Variants in TSPEAR observed in about 807,000 individuals in gnomAD.
The protein encoded by TSPEAR is thrombospondin type laminin G domain and EAR repeats.
TSPEAR carries 69 observed loss-of-function variants against 71.6 expected under a neutral mutation model. The observed-to-expected ratio is 0.96, with a 90% CI of 0.79 to 1.18. The LOEUF (loss-of-function observed/expected upper bound fraction) is 1.18. Among genes scored for constraint, TSPEAR ranks in the 50% most tolerant of loss-of-function variants. The probability of loss-of-function intolerance (pLI) is 0.00; values close to 1 mark genes in which losing one functional copy is unlikely to be tolerated. For missense variants in TSPEAR, 971 were observed against 894.9 expected, an observed-to-expected ratio of 1.09 and a Z score of -1.09; for synonymous variants, 402 against 387.2, an observed-to-expected ratio of 1.04 and a Z score of -0.45.
At chr21:44,592,672 A>G (rs587597756) in intron 1 of TSPEAR, among the ~76,000 whole-genome samples, 1 of 152,202 alleles carries the variant, frequency 6.6e-6, no homozygotes, top group Admixed American at 6.5e-5. Context: ...TAAATCTCCC[A>G]TCACATCTGG....
intron 2 of TSPEAR, among the ~76,000 whole-genome samples, chr21:44,548,428 C>A (rs1307330192): frequency 6.6e-6 from 1 of 152,150 alleles, no homozygotes; most frequent in Non-Finnish European, 1.5e-5. Context: ...AAATTGAACT[C>A]CACCCCCTTT....
In TSPEAR at chr21:44,675,602, A is replaced by G. The variant is rs587614621; in HGVS notation, c.82+35831T>C. ...AAATCAACAGTAGTAGAGATCACAA[A>G]CATTATTTTGATTGGCCTCACAAGT... is the stretch of plus-strand genomic sequence containing the variant. On this transcript the variant is annotated intron_variant, in intron 1 of 11. Transcript: ENST00000323084. Among the ~76,000 whole-genome samples, 8 of 152,282 alleles carry G rather than the reference A, an allele frequency of 5.3e-5. No individual in the cohort carries two copies. In the South Asian group the frequency reaches 1.7e-3, roughly 32 times the overall value.
intron 1 of TSPEAR, among the ~76,000 whole-genome samples, chr21:44,590,597 T>A (rs1200825490): frequency 6.6e-6 from 1 of 152,138 alleles, no homozygotes; most frequent in African/African-American, 2.4e-5. Flanking sequence ...GTGGTCCCCA[T>A]GTCTTACTGT....
Position 44,691,492 on chromosome 21 carries a change from C to T in TSPEAR, c.82+19941G>A, listed in dbSNP as rs1473437502. Reference sequence around the variant, plus strand: ...TTCCAATTGCAAAAATGCATGAGGACATTATGTATTGATAAAAGATTCAAC... The same window carrying T: ...TTCCAATTGCAAAAATGCATGAGGATATTATGTATTGATAAAAGATTCAAC... On this transcript the variant is annotated intron_variant, in intron 1 of 11. Transcript: ENST00000323084. 3.9e-5 allele frequency among the ~76,000 whole-genome samples: 6 copies of T among 152,140 alleles called. No individual in the cohort carries two copies. In the East Asian group the frequency reaches 5.8e-4, roughly 15 times the overall value.
At chr21:44,551,845 CGG>C in intron 2 of TSPEAR, among the ~76,000 whole-genome samples, 1 of 152,194 alleles carries the variant, frequency 6.6e-6, no homozygotes, top group South Asian at 2.1e-4. Context: ...GCTCTGGGCC[CGG>C]GGGAGGCCCA....
intron 1 of TSPEAR, among the ~76,000 whole-genome samples, chr21:44,588,779 G>GTA (rs1979533592): frequency 1.8e-5 from 2 of 111,268 alleles, no homozygotes; most frequent in Non-Finnish European, 4.2e-5. Context: ...ATATATGTAT[G>GTA]TGTGTGTGTA....
At chr21:44,672,439 A>G (rs1220517791) in intron 1 of TSPEAR, among the ~76,000 whole-genome samples, 9 of 152,136 alleles carry the variant, frequency 5.9e-5, no homozygotes, top group South Asian at 2.1e-4. Context: ...GCGTGGTGGC[A>G]GGTGCCTGTA....
rs553763748 is a variant in TSPEAR at position 44,687,473 on chromosome 21, C to A, written c.82+23960G>T. Among the ~76,000 whole-genome samples the A allele has an allele frequency of 1.5e-4, 23 of 152,338 alleles. No individual in the cohort carries two copies. In the South Asian group the frequency reaches 4.8e-3, roughly 32 times the overall value. On this transcript the variant is annotated intron_variant, in intron 1 of 11. Coordinates refer to ENST00000323084, the MANE Select transcript of TSPEAR (RefSeq NM_144991.3). This position sits in a 1 kb window ranked among gnomAD's most constrained non-coding sequence, Gnocchi z 4.4. ...AGCACTGAGGGCGGCATTGCTTACG[C>A]ACACGGCAACAGGAACGCATCGCAG... is the stretch of plus-strand genomic sequence containing the variant.
Position 44,711,519 on chromosome 21 carries a change from G to A in TSPEAR, c.-5C>T. ...CAGACTCAGCAGGGCAGACATGAGGGGCTTGGGTGCCAAGCTCCATCCAGG... is the reference window on the plus strand; with the variant it reads ...CAGACTCAGCAGGGCAGACATGAGGAGCTTGGGTGCCAAGCTCCATCCAGG... On this transcript the variant is annotated 5_prime_UTR_variant, in exon 1 of 12. Coordinates refer to ENST00000323084, the MANE Select transcript of TSPEAR (RefSeq NM_144991.3). The surrounding 1 kb of genome is among the most constrained non-coding windows in gnomAD (Gnocchi z 4.5). 1 of 1,610,046 alleles carries A rather than the reference G, an allele frequency of 6.2e-7. No individual in the cohort carries two copies. The highest frequency in any genetic ancestry group is 8.5e-7 in the Non-Finnish European group (1 of 1,178,564).
intron 1 of TSPEAR, among the ~76,000 whole-genome samples, chr21:44,705,939 C>T (rs1555952259): frequency 6.6e-6 from 1 of 152,160 alleles, no homozygotes; most frequent in East Asian, 1.9e-4. Flanking sequence ...GCTTGTGGGG[C>T]ATCACAGATC....
At chr21:44,632,861 A>G (rs1443830989) in intron 1 of TSPEAR, among the ~76,000 whole-genome samples, 1 of 152,196 alleles carries the variant, frequency 6.6e-6, no homozygotes, top group Non-Finnish European at 1.5e-5. Context: ...AAAAGAAGAA[A>G]AGAAATAAAG....
rs587701605 is a variant in TSPEAR at position 44,532,544 on chromosome 21, T to C, written c.542+1141A>G. ...GAGAGAGGCTCTGATAAAAGTGTGT[T>C]TAAGCTAAGTGCATAATAAAAATAT... On this transcript the variant is annotated intron_variant, in intron 3 of 11. Coordinates refer to ENST00000323084, the MANE Select transcript of TSPEAR (RefSeq NM_144991.3). Among the ~76,000 whole-genome samples the C allele has an allele frequency of 7.2e-5, 11 of 152,344 alleles. No individual in the cohort carries two copies. In the South Asian group the frequency reaches 2.1e-3, roughly 29 times the overall value.
chr21:44,507,875 G>C (rs587679978), intron 10 of TSPEAR, among the ~76,000 whole-genome samples: 1 of 151,524 alleles, frequency 6.6e-6, no homozygotes, highest in Non-Finnish European at 1.5e-5. Context: ...GCCAGGCCAC[G>C]CAGGGGCCAC....
At chr21:44,600,780 G>A (rs782114069) in intron 1 of TSPEAR, 6 of 1,589,316 alleles carry the variant, frequency 3.8e-6, no homozygotes, top group South Asian at 1.1e-5. Flanking sequence ...CCCCCTGCCT[G>A]AGCCTGGTCT....
rs782457685 is a variant in TSPEAR, at chr21:44,531,152, T to C, written c.543-19A>G. Reference sequence around the variant, plus strand: ...GGCCATTCTGAAAATATCAAAGGACTGTGTTAGGGCCATAGGAGAGTGGTC... The same window carrying C: ...GGCCATTCTGAAAATATCAAAGGACCGTGTTAGGGCCATAGGAGAGTGGTC... On this transcript the variant is annotated intron_variant, in intron 3 of 11. Transcript: ENST00000323084. 21 of 1,605,896 alleles carry C rather than the reference T, an allele frequency of 1.3e-5. No individual in the cohort carries two copies. The highest frequency in any genetic ancestry group is 1.8e-5 in the Non-Finnish European group (21 of 1,173,520).
chr21:44,584,298 C>T (rs1427534582), intron 1 of TSPEAR, among the ~76,000 whole-genome samples: 4 of 152,168 alleles, frequency 2.6e-5, no homozygotes, highest in African/African-American at 4.8e-5. Context: ...CGTATTCCAT[C>T]GTGTGTATAC....
intron 1 of TSPEAR, chr21:44,697,549 G>A (rs374262694): frequency 1.2e-6 from 2 of 1,613,454 alleles, no homozygotes; most frequent in Admixed American, 3.3e-5. Context: ...TCTGCTGCAA[G>A]CCTGTGTGCT....
intron 1 of TSPEAR, among the ~76,000 whole-genome samples, chr21:44,617,144 G>A (rs587616370): frequency 4.6e-5 from 7 of 152,206 alleles, no homozygotes; most frequent in African/African-American, 9.6e-5. Flanking sequence ...GCATGGCCAC[G>A]TCCACCATGT....
At chr21:44,649,316 C>A (rs587761471) in intron 1 of TSPEAR, among the ~76,000 whole-genome samples, 79 of 152,304 alleles carry the variant, frequency 5.2e-4, no homozygotes, top group African/African-American at 1.8e-3. Context: ...GTGGAGGAGG[C>A]CTTCTAAGGA....
Sources: gnomAD v4.1 joint callset for allele counts (sites outside exome capture counted in the v4.1 genomes callset) on GRCh38, gnomAD v4.1.1 for gene constraint, Gnocchi (gnomAD v3.1) non-coding constraint, MANE v1.5 for transcripts, NCBI Gene and HGNC (gene_info 2026-07-23, HGNC 2026-07-21) for gene names.